Variants in TIAM2 observed in about 807,000 individuals in gnomAD.
TIAM2 encodes TIAM Rac1 associated GEF 2, also known as rho guanine nucleotide exchange factor TIAM2.
Under a neutral mutation model 152.9 loss-of-function variants are expected in TIAM2, and 80 were observed. The ratio of observed to expected loss-of-function variants is 0.52; its 90% CI spans 0.44 to 0.63. The LOEUF (loss-of-function observed/expected upper bound fraction) is 0.63, where lower values mean the gene tolerates loss of function less well. TIAM2 is among the 30% of genes least tolerant of loss of function. The pLI, the probability that TIAM2 is intolerant of heterozygous loss-of-function variation, is 0.00. For synonymous variants in TIAM2, 804 were observed against 838.0 expected (o/e 0.96, Z 0.70); for missense variants, 1,965 against 2,120.1 (o/e 0.93, Z 1.44).
intron 14 of TIAM2, among the ~76,000 whole-genome samples, chr6:155,205,950 T>A (rs1781584778): frequency 6.6e-6 from 1 of 152,232 alleles, no homozygotes; most frequent in Admixed American, 6.5e-5. Flanking sequence ...GAGACAACCT[T>A]AACTTCAATA....
chr6:155,112,959 A>C (rs149349658), intron 2 of TIAM2, among the ~76,000 whole-genome samples: 1 of 147,578 alleles, frequency 6.8e-6, no homozygotes, highest in Non-Finnish European at 1.5e-5. Flanking sequence ...GTAGCCTAGC[A>C]GGTCCCCCTG....
At chr6:155,208,646 A>G (rs1583250425) in intron 14 of TIAM2, among the ~76,000 whole-genome samples, 1 of 152,182 alleles carries the variant, frequency 6.6e-6, no homozygotes, top group Non-Finnish European at 1.5e-5. Flanking sequence ...CCTAGGACAT[A>G]GAAACCAGGC....
In TIAM2 at chr6:155,102,767, T is replaced by TTGTGTG. The variant is rs56117781; in HGVS notation, c.-118+12426_-118+12431dup. ...ATGGTGTTTTTTATGGATTAATTTA[T>TTGTGTG]TGTGTGTGTGTGTGTGTGTGTGTGT... On this transcript the variant is annotated intron_variant, in intron 2 of 26. Transcript: ENST00000682666. 1.8e-3 allele frequency among the ~76,000 whole-genome samples: 265 copies of TTGTGTG among 145,752 alleles called. 2 individuals carry two copies. Among genetic ancestry groups the TTGTGTG allele is most frequent in the African/African-American group, 5.4e-3 (213 of 39,404 alleles).
At chr6:155,015,944 C>CAAAAAAAAAAAAAAAAA (rs3081689) in intron 1 of TIAM2, among the ~76,000 whole-genome samples, 1 of 61,760 alleles carries the variant, frequency 1.6e-5, no homozygotes, top group African/African-American at 4.3e-5. Context: ...TTCAAAAAAC[C>CAAAAAAAAAAAAAAAAA]AAAAAAAAAA....
At chr6:155,041,574 AAAG>A (rs1485210363) in intron 1 of TIAM2, among the ~76,000 whole-genome samples, 3 of 152,244 alleles carry the variant, frequency 2.0e-5, no homozygotes, top group East Asian at 1.9e-4. Context: ...GGAATTAAAA[AAAG>A]AAGAAAGTCT....
chr6:155,249,673 C>A (rs1783536051), intron 20 of TIAM2, among the ~76,000 whole-genome samples, 178 bp from the exon 21 acceptor site: 1 of 152,144 alleles, frequency 6.6e-6, no homozygotes. Context: ...TTTTGCTGTT[C>A]TTCATTCTAA....
At chr6:155,079,860 A>G (rs915796407) in intron 1 of TIAM2, among the ~76,000 whole-genome samples, 2 of 152,192 alleles carry the variant, frequency 1.3e-5, no homozygotes, top group Admixed American at 1.3e-4. Context: ...AGGTAGGAGA[A>G]TCGCTTGAAA....
chr6:155,017,310 G>A (rs548817642), intron 1 of TIAM2, among the ~76,000 whole-genome samples: 1 of 152,154 alleles, frequency 6.6e-6, no homozygotes, highest in African/African-American at 2.4e-5. Flanking sequence ...GGGGATAAAT[G>A]GGTTGCAGCT....
intron 2 of TIAM2, among the ~76,000 whole-genome samples, chr6:155,096,547 A>G (rs1441292140): frequency 2.0e-5 from 3 of 151,910 alleles, no homozygotes; most frequent in Non-Finnish European, 4.4e-5. Context: ...TCTACTCTCT[A>G]CTTTCATTAG....
At chr6:155,128,018 A>G (rs1779336365) in intron 3 of TIAM2, among the ~76,000 whole-genome samples, 1 of 152,090 alleles carries the variant, frequency 6.6e-6, no homozygotes, top group Non-Finnish European at 1.5e-5. Flanking sequence ...TTATTTCAGA[A>G]TCAAAAGAGA....
At chr6:155,253,947 T>G in intron 24 of TIAM2, 26 bp from the exon 25 acceptor site, 1 of 1,595,918 alleles carries the variant, frequency 6.3e-7, no homozygotes, top group Non-Finnish European at 8.6e-7. Context: ...AGTTGTAGAC[T>G]CTTGTTTCCA....
chr6:155,007,466 G>A (rs1025209950), intron 1 of TIAM2, among the ~76,000 whole-genome samples: 1 of 150,966 alleles, frequency 6.6e-6, no homozygotes, highest in Non-Finnish European at 1.5e-5. Context: ...CTCACTGCAA[G>A]CTCCGCCTCC....
chr6:155,120,250 T>C lies in TIAM2; in HGVS notation c.-117-7240T>C, dbSNP rs149260141. Among the ~76,000 whole-genome samples, 534 of 152,384 alleles carry C rather than the reference T, an allele frequency of 3.5e-3. 2 individuals are homozygous for C. The highest frequency in any genetic ancestry group is 0.012 in the African/African-American group (506 of 41,604). Reference sequence around the variant, plus strand: ...GCAGATGGGTCTATCCATTCATCTGTTAATATGCATTTGGAAGGAGTCCCG... The same window carrying C: ...GCAGATGGGTCTATCCATTCATCTGCTAATATGCATTTGGAAGGAGTCCCG... On this transcript the variant is annotated intron_variant, in intron 2 of 26. Coordinates refer to ENST00000682666, the MANE Select transcript of TIAM2 (RefSeq NM_012454.4).
chr6:155,010,915 G>A (rs1198814564), intron 1 of TIAM2, among the ~76,000 whole-genome samples: 1 of 151,982 alleles, frequency 6.6e-6, no homozygotes, highest in African/African-American at 2.4e-5. Context: ...GTGGTGTCAT[G>A]CGCCTGTAAT....
chr6:155,112,418 G>A (rs890163147), intron 2 of TIAM2, among the ~76,000 whole-genome samples: 7 of 151,950 alleles, frequency 4.6e-5, no homozygotes, highest in East Asian at 1.9e-4. Flanking sequence ...AGCCACCACC[G>A]TGCCAGGTCT....
intron 2 of TIAM2, among the ~76,000 whole-genome samples, chr6:155,110,318 C>CTTTCTT (rs1554231077): frequency 5.9e-4 from 79 of 133,810 alleles, no homozygotes; most frequent in Non-Finnish European, 1.0e-3. Flanking sequence ...TCTTTCTTTT[C>CTTTCTT]TTTTTTTTTT....
intron 26 of TIAM2, chr6:155,255,308 A>C (rs1421265039): frequency 6.6e-6 from 1 of 152,216 alleles, no homozygotes; most frequent in Non-Finnish European, 1.5e-5. Flanking sequence ...TTCTTAATCG[A>C]TAGGGCACCA....
intron 1 of TIAM2, among the ~76,000 whole-genome samples, chr6:155,064,896 C>G (rs1303985560): frequency 8.9e-6 from 1 of 112,270 alleles, no homozygotes; most frequent in Non-Finnish European, 2.0e-5. Context: ...CCCCTCCTCT[C>G]TCCTCTCCTC....
chr6:155,116,572 T>C (rs991880366), intron 2 of TIAM2, among the ~76,000 whole-genome samples: 3 of 152,234 alleles, frequency 2.0e-5, no homozygotes, highest in Admixed American at 2.0e-4. Flanking sequence ...CTTGGTACAA[T>C]GACCGTGGTA....
Sources: allele counts gnomAD v4.1 joint callset (sites outside exome capture counted in the v4.1 genomes callset), GRCh38; gene constraint gnomAD v4.1.1; transcripts MANE v1.5; gene names NCBI Gene and HGNC (gene_info 2026-07-23, HGNC 2026-07-21).